Variants in LANCL3 observed in about 807,000 individuals in gnomAD.
The protein encoded by LANCL3 is LanC like family member 3.
Under a neutral mutation model 26.5 loss-of-function variants are expected in LANCL3, and 19 were observed. The ratio of observed to expected loss-of-function variants is 0.72; its 90% CI spans 0.50 to 1.05. The LOEUF (loss-of-function observed/expected upper bound fraction) is 1.05, where lower values mean the gene tolerates loss of function less well. Ranked by LOEUF, LANCL3 falls within the 50% of genes least tolerant of loss-of-function variation. The probability of loss-of-function intolerance (pLI) is 0.00; values close to 1 mark genes in which losing one functional copy is unlikely to be tolerated. For missense variants in LANCL3, 318 were observed against 362.7 expected, an observed-to-expected ratio of 0.88 and a Z score of 1.00; for synonymous variants, 160 against 166.6, an observed-to-expected ratio of 0.96 and a Z score of 0.30.
In LANCL3 at chrX:37,571,904, G is replaced by T; in HGVS notation, c.34G>T (p.Asp12Tyr). ...DTKRCFANRF[D>Y]DYQGSLLAGQ... ...CAAGCGCTGCTTCGCCAATCGCTTCGATGACTACCAGGGCAGCCTGCTGGC... is the reference window on the plus strand; with the variant it reads ...CAAGCGCTGCTTCGCCAATCGCTTCTATGACTACCAGGGCAGCCTGCTGGC... Residue 12 changes from aspartate to tyrosine, a missense_variant, in exon 1 of 5, where the codon GAT (aspartate) becomes TAT (tyrosine). By Grantham distance (160) the Asp-to-Tyr change is radical (BLOSUM62 -3). Coordinates refer to ENST00000378619, the MANE Select transcript of LANCL3 (RefSeq NM_001170331.2). The T allele has an allele frequency of 1.7e-6, 2 of 1,207,354 alleles. No individual in the cohort carries two copies. Among genetic ancestry groups the T allele is most frequent in the Non-Finnish European group, 1.1e-6 (1 of 894,254 alleles).
rs141565594 is a variant in LANCL3 at position 37,595,374 on chromosome X, T to C, written c.573+22931T>C. On this transcript the variant is annotated intron_variant, in intron 1 of 4. Coordinates refer to ENST00000378619, the MANE Select transcript of LANCL3 (RefSeq NM_001170331.2). ...AACCTACATTTTAAAACTAGCTGTT[T>C]ACATGCTCCTGCTTAAATGTGTTTT... 7.0e-3 allele frequency among the ~76,000 whole-genome samples: 791 copies of C among 112,564 alleles called. 5 individuals are homozygous for C. The highest frequency in any genetic ancestry group is 0.024 in the African/African-American group (752 of 31,016).
intron 1 of LANCL3, among the ~76,000 whole-genome samples, chrX:37,649,507 A>C (rs1336544407): frequency 2.7e-5 from 3 of 111,635 alleles, no homozygotes; most frequent in African/African-American, 9.8e-5. Context: ...AGGTACAGCA[A>C]ACCACCATGA....
chrX:37,588,314 A>T (rs1556418425), intron 1 of LANCL3, among the ~76,000 whole-genome samples: 1 of 111,532 alleles, frequency 9.0e-6, no homozygotes, highest in Non-Finnish European at 1.9e-5. Context: ...CTGGTTCAAC[A>T]GTTCGTGATG....
Position 37,628,556 on chromosome X carries a change from C to A in LANCL3, c.574-27132C>A, listed in dbSNP as rs782324170. ...TGGTGTGCTGCACCCATTAACTCGT[C>A]ATTTAGCATTAGGTATATCTCCTAA... On this transcript the variant is annotated intron_variant, in intron 1 of 4. Coordinates refer to ENST00000378619, the MANE Select transcript of LANCL3 (RefSeq NM_001170331.2). Among the ~76,000 whole-genome samples the A allele has an allele frequency of 2.9e-5, 3 of 103,348 alleles. No individual in the cohort carries two copies. The South Asian group carries it at 1.5e-3, about 51-fold the overall frequency. The allele number at this position is 103,348 out of a possible 115,157, so 89.7% of individuals were successfully genotyped here.
intron 1 of LANCL3, among the ~76,000 whole-genome samples, chrX:37,580,519 A>C (rs1923866883): frequency 8.9e-6 from 1 of 111,999 alleles, no homozygotes; most frequent in South Asian, 3.8e-4. Flanking sequence ...TAACATATCC[A>C]TCACCTGGCA....
At chrX:37,668,051 A>G (rs782428292) in intron 4 of LANCL3, among the ~76,000 whole-genome samples, 1 of 110,311 alleles carries the variant, frequency 9.1e-6, no homozygotes, top group Admixed American at 9.8e-5. Flanking sequence ...ACTGGGGATC[A>G]AATTTCAACA....
Position 37,676,069 on chromosome X carries a change from A to C in LANCL3, c.*256A>C. On this transcript the variant is annotated 3_prime_UTR_variant, in exon 5 of 5. Coordinates refer to ENST00000378619, the MANE Select transcript of LANCL3 (RefSeq NM_001170331.2). ...ATGTGAAACAAGGGATCATAGGAAA[A>C]GGGGAAAGAGAAATGATCTGTTTTT... The C allele has an allele frequency of 4.4e-6, 1 of 227,420 alleles. No individual in the cohort carries two copies. Among genetic ancestry groups the C allele is most frequent in the Non-Finnish European group, 7.9e-6 (1 of 126,363 alleles). The allele number at this position is 227,420 out of a possible 1,213,427, so 18.7% of individuals were successfully genotyped here. A position where few individuals can be genotyped will look rare whatever the true frequency, so the allele number is the denominator to read the frequency against.
At chrX:37,640,295 T>C (rs1556425807) in intron 1 of LANCL3, among the ~76,000 whole-genome samples, 1 of 111,373 alleles carries the variant, frequency 9.0e-6, no homozygotes, top group African/African-American at 3.3e-5. Context: ...GAAGGGGAAG[T>C]AGGCACTTAT....
intron 1 of LANCL3, among the ~76,000 whole-genome samples, chrX:37,574,054 C>CAAAAAAAAA (rs34987799): frequency 6.0e-5 from 2 of 33,418 alleles, no homozygotes; most frequent in African/African-American, 1.9e-4. Flanking sequence ...TCAAGGATAG[C>CAAAAAAAAA]AAAAAAAAAA....
chrX:37,594,779 A>G (rs782260621), intron 1 of LANCL3, among the ~76,000 whole-genome samples: 1 of 111,701 alleles, frequency 9.0e-6, no homozygotes, highest in Non-Finnish European at 1.9e-5. Flanking sequence ...TTAGTTGCTT[A>G]CTCTCACCCT....
intron 1 of LANCL3, among the ~76,000 whole-genome samples, chrX:37,622,035 A>G (rs1458351233): frequency 6.3e-5 from 7 of 110,697 alleles, no homozygotes; most frequent in Non-Finnish European, 1.3e-4. Context: ...CCATTGTTTT[A>G]CCTCCTAATC....
chrX:37,626,287 A>G (rs1925313832), intron 1 of LANCL3, among the ~76,000 whole-genome samples: 1 of 111,704 alleles, frequency 9.0e-6, no homozygotes, highest in South Asian at 3.8e-4. Flanking sequence ...GCCATAGGAG[A>G]CCCTTAACAA....
Position 37,680,583 on chromosome X carries a change from A to C in LANCL3, c.*4770A>C, listed in dbSNP as rs1216491471. On this transcript the variant is annotated 3_prime_UTR_variant, in exon 5 of 5. Transcript: ENST00000378619. ...AACTGAATTTGAAAAAATTAATTAA[A>C]ATAACCGAATCACCCATGTTTTTGT... The C allele has an allele frequency of 2.7e-5, 3 of 111,590 alleles. No homozygotes were observed. The highest frequency in any genetic ancestry group is 9.8e-5 in the African/African-American group (3 of 30,603). The allele number at this position is 111,590 out of a possible 1,213,427, so 9.2% of individuals were successfully genotyped here.
At chrX:37,574,885 A>G (rs1385519422) in intron 1 of LANCL3, among the ~76,000 whole-genome samples, 1 of 96,119 alleles carries the variant, frequency 1.0e-5, no homozygotes, top group Middle Eastern at 4.4e-3. Flanking sequence ...CTGACCTTGT[A>G]TAGGTGTGTG....
intron 1 of LANCL3, among the ~76,000 whole-genome samples, chrX:37,587,970 T>C (rs1287323161): frequency 1.8e-5 from 2 of 112,455 alleles, no homozygotes; most frequent in African/African-American, 3.2e-5. Flanking sequence ...AAAGAGAACA[T>C]AGTTCGTAGT....
At chrX:37,601,840 T>G (rs1556420047) in intron 1 of LANCL3, among the ~76,000 whole-genome samples, 1 of 112,061 alleles carries the variant, frequency 8.9e-6, no homozygotes, top group East Asian at 2.8e-4. Flanking sequence ...TGAGCAGAAC[T>G]GTTACATGGC....
intron 4 of LANCL3, among the ~76,000 whole-genome samples, chrX:37,667,929 C>T (rs192031057): frequency 1.3e-3 from 144 of 110,570 alleles, no homozygotes; most frequent in African/African-American, 4.6e-3. Context: ...ACAGTCATCT[C>T]TTGGGAGCAA....
chrX:37,661,052 C>T (rs1480968025), intron 3 of LANCL3, among the ~76,000 whole-genome samples: 1 of 110,095 alleles, frequency 9.1e-6, no homozygotes, highest in African/African-American at 3.4e-5. Flanking sequence ...GATATTTCTT[C>T]TTGTTAGCCT....
At chrX:37,634,850 C>T (rs930282526) in intron 1 of LANCL3, among the ~76,000 whole-genome samples, 1 of 111,064 alleles carries the variant, frequency 9.0e-6, no homozygotes, top group African/African-American at 3.3e-5. Context: ...CTTTCCTCCC[C>T]AAATAGAATG....
Sources: allele counts gnomAD v4.1 joint callset (sites outside exome capture counted in the v4.1 genomes callset), GRCh38; gene constraint gnomAD v4.1.1; transcripts MANE v1.5; gene names NCBI Gene and HGNC (gene_info 2026-07-23, HGNC 2026-07-21).